Variants in PTPN2 observed in about 807,000 individuals in gnomAD.
The protein encoded by PTPN2 is tyrosine-protein phosphatase non-receptor type 2.
In PTPN2, 19 loss-of-function variants were observed where a neutral mutation model predicts 57.3. The ratio of observed to expected loss-of-function variants is 0.33; its 90% CI spans 0.23 to 0.49. The LOEUF (loss-of-function observed/expected upper bound fraction) is 0.49, where lower values mean the gene tolerates loss of function less well. Ranked by LOEUF, PTPN2 falls within the 20% of genes least tolerant of loss-of-function variation. PTPN2 has a pLI of 0.99. For synonymous variants in PTPN2, 153 were observed against 164.9 expected (o/e 0.93, Z 0.55); for missense variants, 358 against 501.1 (o/e 0.71, Z 2.73).
chr18:12,841,065 G>C (rs1476610214), intron 2 of PTPN2: 3 of 1,188,540 alleles, frequency 2.5e-6, no homozygotes, highest in Non-Finnish European at 3.4e-6. Flanking sequence ...AAGGAAAAAA[G>C]AAATTATATT....
chr18:12,867,578 G>A (rs916486944), intron 1 of PTPN2, among the ~76,000 whole-genome samples: 1 of 152,158 alleles, frequency 6.6e-6, no homozygotes. Flanking sequence ...GTCTTCATCG[G>A]AACTGGGTTA....
Position 12,793,316 on chromosome 18 carries a change from TCA to T in PTPN2, c.*960_*961del, listed in dbSNP as rs1464994203. The T allele has an allele frequency of 1.0e-6, 1 of 975,064 alleles. No homozygotes were observed. Among genetic ancestry groups the T allele is most frequent in the African/African-American group, 1.8e-5 (1 of 56,968 alleles). The allele number at this position is 975,064 out of a possible 1,614,324, so 60.4% of individuals were successfully genotyped here. On this transcript the variant is annotated 3_prime_UTR_variant, in exon 9 of 9. Transcript: ENST00000309660. ...ACTGAAAAGTGTTTACTTCAAAACT[TCA>T]GTCTAGTAAACTGAAATTATGAATC...
chr18:12,874,546 G>C (rs868714577), intron 1 of PTPN2, among the ~76,000 whole-genome samples: 2 of 104,204 alleles, frequency 1.9e-5, no homozygotes, highest in Non-Finnish European at 3.8e-5. Flanking sequence ...GGGGGGGTCA[G>C]CTCCCCGCCC....
intron 1 of PTPN2, among the ~76,000 whole-genome samples, chr18:12,865,043 T>C: frequency 6.6e-6 from 1 of 152,194 alleles, no homozygotes; most frequent in Non-Finnish European, 1.5e-5. Flanking sequence ...TCATTATACT[T>C]TGTTTTTCAT....
At chr18:12,812,308 C>T (rs2145295715) in intron 7 of PTPN2, among the ~76,000 whole-genome samples, 1 of 152,250 alleles carries the variant, frequency 6.6e-6, no homozygotes. Context: ...ACTTAAGATA[C>T]AATCACTTTG....
intron 2 of PTPN2, among the ~76,000 whole-genome samples, chr18:12,845,021 C>T (rs2043167861): frequency 6.6e-6 from 1 of 152,198 alleles, no homozygotes; most frequent in Admixed American, 6.5e-5. Flanking sequence ...ATGTATTTAT[C>T]CCTCTGCCAC....
chr18:12,852,838 G>A (rs1598851358), intron 2 of PTPN2, among the ~76,000 whole-genome samples: 1 of 152,166 alleles, frequency 6.6e-6, no homozygotes, highest in East Asian at 1.9e-4. Context: ...CAGACCGGCT[G>A]AATCCAAATC....
chr18:12,798,661 G>A (rs908575722), intron 8 of PTPN2, among the ~76,000 whole-genome samples: 4 of 152,142 alleles, frequency 2.6e-5, no homozygotes, highest in East Asian at 1.9e-4. Flanking sequence ...ATCATTGATA[G>A]GCATTTAGAT....
intron 1 of PTPN2, among the ~76,000 whole-genome samples, chr18:12,879,479 T>C (rs2145546287): frequency 6.6e-6 from 1 of 152,334 alleles, no homozygotes; most frequent in South Asian, 2.1e-4. Context: ...AAAAAGTCAT[T>C]CATTCAGCAC....
At chr18:12,811,189 A>T (rs924155953) in intron 7 of PTPN2, among the ~76,000 whole-genome samples, 3 of 152,194 alleles carry the variant, frequency 2.0e-5, no homozygotes, top group African/African-American at 7.2e-5. Context: ...CAAATAGTAG[A>T]GACAGAATTT....
chr18:12,809,387 G>C (rs186341900), intron 7 of PTPN2, among the ~76,000 whole-genome samples: 6 of 152,336 alleles, frequency 3.9e-5, no homozygotes, highest in African/African-American at 1.4e-4. Flanking sequence ...GATGAAAGCA[G>C]TGACAATTGT....
intron 2 of PTPN2, among the ~76,000 whole-genome samples, chr18:12,857,225 C>T (rs2043622704): frequency 6.6e-6 from 1 of 152,104 alleles, no homozygotes; most frequent in South Asian, 2.1e-4. Context: ...ACTGTGGCCC[C>T]AGAAAGGCAG....
intron 1 of PTPN2, among the ~76,000 whole-genome samples, chr18:12,871,675 T>C (rs2044272476): frequency 6.6e-6 from 1 of 152,192 alleles, no homozygotes; most frequent in South Asian, 2.1e-4. Context: ...ACAAAAAATT[T>C]TCTCCATTGT....
chr18:12,850,899 C>T (rs2043371494), intron 2 of PTPN2, among the ~76,000 whole-genome samples: 1 of 152,094 alleles, frequency 6.6e-6, no homozygotes, highest in African/African-American at 2.4e-5. Context: ...ACCACTATGC[C>T]TGGCTAATCT....
chr18:12,854,159 G>C (rs2043493011), intron 2 of PTPN2, among the ~76,000 whole-genome samples: 1 of 152,028 alleles, frequency 6.6e-6, no homozygotes, highest in Non-Finnish European at 1.5e-5. Flanking sequence ...AGGAGTTTGA[G>C]ACCAGCCTGG....
At chr18:12,884,002 G>GA (rs1568184940) in intron 1 of PTPN2, 71 bp downstream of exon 1, 58 of 1,349,280 alleles carry the variant, frequency 4.3e-5, no homozygotes, top group Non-Finnish European at 5.5e-5. Flanking sequence ...AGGCGGGAGG[G>GA]ACCCTGCGGA....
intron 3 of PTPN2, among the ~76,000 whole-genome samples, chr18:12,835,258 A>G (rs2042814252): frequency 6.6e-6 from 1 of 152,146 alleles, no homozygotes; most frequent in South Asian, 2.1e-4. Context: ...TAAAGTCTCT[A>G]TTCCCAAGCT....
intron 1 of PTPN2, among the ~76,000 whole-genome samples, chr18:12,874,981 G>A (rs946130396): frequency 2.6e-5 from 4 of 152,076 alleles, no homozygotes; most frequent in Non-Finnish European, 5.9e-5. Flanking sequence ...CTTCTGCCTT[G>A]GGATCCTGTT....
Position 12,870,340 on chromosome 18 carries a change from T to TAC in PTPN2, c.70-11088_70-11087dup, listed in dbSNP as rs1286429600. Among the ~76,000 whole-genome samples the TAC allele has an allele frequency of 1.2e-3, 47 of 39,738 alleles. 2 individuals are homozygous for TAC. The highest frequency in any genetic ancestry group is 0.011 in the Middle Eastern group (1 of 92). The allele number at this position is 39,738 out of a possible 152,430, so 26.1% of individuals were successfully genotyped here. ...ATATGTGTATATATATGTATATATA[T>TAC]ACATATATATGTGTATATATATGTG... On this transcript the variant is annotated intron_variant, in intron 1 of 8. Coordinates refer to ENST00000309660, the MANE Select transcript of PTPN2 (RefSeq NM_002828.4).
Sources: allele counts gnomAD v4.1 joint callset (sites outside exome capture counted in the v4.1 genomes callset), GRCh38; gene constraint gnomAD v4.1.1; transcripts MANE v1.5; gene names NCBI Gene and HGNC (gene_info 2026-07-23, HGNC 2026-07-21).